ARPC5L: variants seen among roughly 807,000 people sequenced by gnomAD.
ARPC5L encodes the protein actin-related protein 2/3 complex subunit 5-like protein.
A neutral mutation model predicts 16.9 loss-of-function variants in ARPC5L; 4 were observed. That is an observed-to-expected ratio of 0.24 (90% confidence interval 0.12 to 0.54). ARPC5L has a LOEUF of 0.54. Among genes scored for constraint, ARPC5L ranks in the 20% least tolerant of loss-of-function variants. The probability of loss-of-function intolerance (pLI) is 0.95; values close to 1 mark genes in which losing one functional copy is unlikely to be tolerated. For synonymous variants in ARPC5L, 78 were observed against 82.6 expected (o/e 0.94, Z 0.30); for missense variants, 151 against 201.9 (o/e 0.75, Z 1.53).
intron 3 of ARPC5L, 63 bp downstream of exon 3, chr9:124,869,502 C>T (rs898842503): frequency 1.4e-5 from 19 of 1,399,588 alleles, no homozygotes; most frequent in Non-Finnish European, 1.8e-5. Context: ...CACCTTCCCA[C>T]CTTCTCGGGC....
intron 2 of ARPC5L, among the ~76,000 whole-genome samples, chr9:124,866,170 G>A (rs1186983882): frequency 6.6e-6 from 1 of 151,832 alleles, no homozygotes; most frequent in African/African-American, 2.4e-5. Context: ...TTAGGAAGCC[G>A]ACGCAGGTGG....
At position 124,877,036 on chromosome 9, in the gene ARPC5L, C is replaced by T; in HGVS notation, c.*96C>T. On this transcript the variant is annotated 3_prime_UTR_variant, in exon 6 of 6. Transcript: ENST00000353214. ...AATGGACCATCTTCCTAGGAACTCCCAAGTAAACTATTTCAGGACATGTAT... is the reference window on the plus strand; with the variant it reads ...AATGGACCATCTTCCTAGGAACTCCTAAGTAAACTATTTCAGGACATGTAT... The T allele has an allele frequency of 1.1e-6, 1 of 915,470 alleles. No homozygotes were observed. The highest frequency in any genetic ancestry group is 2.6e-5 in the East Asian group (1 of 38,408). The allele number at this position is 915,470 out of a possible 1,614,324, so 56.7% of individuals were successfully genotyped here.
In ARPC5L at chr9:124,877,061, T is replaced by G; in HGVS notation, c.*121T>G. 1 of 730,178 alleles carries G rather than the reference T, an allele frequency of 1.4e-6. No homozygotes were observed. The highest frequency in any genetic ancestry group is 2.2e-6 in the Non-Finnish European group (1 of 452,742). The allele number at this position is 730,178 out of a possible 1,614,324, so 45.2% of individuals were successfully genotyped here. On this transcript the variant is annotated 3_prime_UTR_variant, in exon 6 of 6. Coordinates refer to ENST00000353214, the MANE Select transcript of ARPC5L (RefSeq NM_030978.3). ...CAAGTAAACTATTTCAGGACATGTA[T>G]CTGCTGAAATGTATTTTATTTTCAA...
chr9:124,867,241 A>C (rs1163919006), intron 2 of ARPC5L, among the ~76,000 whole-genome samples: 1 of 150,736 alleles, frequency 6.6e-6, no homozygotes, highest in Admixed American at 6.6e-5. Context: ...TCCTGGGTTC[A>C]AGCGATTCTC....
intron 2 of ARPC5L, among the ~76,000 whole-genome samples, chr9:124,867,464 T>A (rs757985035): frequency 6.6e-6 from 1 of 152,100 alleles, no homozygotes; most frequent in Non-Finnish European, 1.5e-5. Context: ...GATCACTTTA[T>A]CTAAGGCACA....
rs1301025131 is a variant in ARPC5L, at chr9:124,862,221, A to G, written c.-1161A>G. The stretch of plus-strand genomic sequence containing the variant: ...CCAACGTGGGCGGCAGCTACCAGAG[A>G]TGGCACACGGAGGACTCAAATTCGT... On this transcript the variant is annotated 5_prime_UTR_variant, in exon 1 of 6. It removes an upstream start codon present in the reference 5' UTR. Coordinates refer to ENST00000353214, the MANE Select transcript of ARPC5L (RefSeq NM_030978.3). 4 of 393,958 alleles carry G rather than the reference A, an allele frequency of 1.0e-5. No homozygotes were observed. The highest frequency in any genetic ancestry group is 1.8e-5 in the Non-Finnish European group (4 of 218,954). 24.4% of individuals were successfully genotyped at this position (393,958 alleles called of 1,614,324 possible). A position where few individuals can be genotyped will look rare whatever the true frequency, so the allele number is the denominator to read the frequency against.
chr9:124,872,584 G>C (rs1829375244), intron 3 of ARPC5L: 1 of 145,714 alleles, frequency 6.9e-6, no homozygotes, highest in African/African-American at 2.5e-5. Context: ...GCGACAGAGC[G>C]AGACTCCGTC....
chr9:124,863,113 A>G (rs1218523312), intron 1 of ARPC5L, among the ~76,000 whole-genome samples: 1 of 152,034 alleles, frequency 6.6e-6, no homozygotes. Flanking sequence ...TACAGGGGTT[A>G]GCCACCTCGC....
intron 3 of ARPC5L, 57 bp downstream of exon 3, chr9:124,869,496 T>C (rs1829324267): frequency 3.6e-6 from 5 of 1,404,532 alleles, no homozygotes; most frequent in Non-Finnish European, 4.6e-6. Context: ...CCTTCCCACC[T>C]TCCCACCTTC....
chr9:124,864,152 G>A (rs1266573603), intron 2 of ARPC5L, 45 bp downstream of exon 2: 2 of 151,852 alleles, frequency 1.3e-5, no homozygotes, highest in Non-Finnish European at 2.9e-5. Context: ...GGAAAAAAGA[G>A]AGTAGAGAGA....
intron 3 of ARPC5L, chr9:124,872,850 G>T (rs1235477162): frequency 6.6e-6 from 1 of 152,256 alleles, no homozygotes; most frequent in Admixed American, 6.5e-5. Flanking sequence ...CTGCTCCGAA[G>T]GCCCTTCCTG....
Position 124,869,149 on chromosome 9 carries a change from G to GGCT in ARPC5L, c.-139_-137dup. 1 of 1,013,142 alleles carries GGCT rather than the reference G, an allele frequency of 9.9e-7. No homozygotes were observed. The allele number at this position is 1,013,142 out of a possible 1,614,324, so 62.8% of individuals were successfully genotyped here. A position where few individuals can be genotyped will look rare whatever the true frequency, so the allele number is the denominator to read the frequency against. On this transcript the variant is annotated 5_prime_UTR_variant, in exon 3 of 6. Coordinates refer to ENST00000353214, the MANE Select transcript of ARPC5L (RefSeq NM_030978.3). The stretch of plus-strand genomic sequence containing the variant: ...GTGCCGGAAGTGGGCGGGCGGCGGC[G>GGCT]GCTGCGCGCGGAGGCGGTGGAGGAG...
intron 5 of ARPC5L, among the ~76,000 whole-genome samples, chr9:124,876,176 G>A (rs1829431101): frequency 6.6e-6 from 1 of 151,932 alleles, no homozygotes; most frequent in Admixed American, 6.6e-5. Context: ...AATGTAGTGA[G>A]AACCCATCTC....
chr9:124,875,436 C>CAT (rs1212718246), intron 5 of ARPC5L, among the ~76,000 whole-genome samples: 1 of 152,170 alleles, frequency 6.6e-6, no homozygotes, highest in East Asian at 1.9e-4. Flanking sequence ...GATAACATGG[C>CAT]ATAGTAAGGT....
chr9:124,869,483 T>C (rs1829323752), intron 3 of ARPC5L, 44 bp downstream of exon 3: 2 of 1,415,580 alleles, frequency 1.4e-6, no homozygotes, highest in Non-Finnish European at 9.2e-7. Flanking sequence ...CGCGGCCTTC[T>C]CACCTTCCCA....
intron 2 of ARPC5L, among the ~76,000 whole-genome samples, chr9:124,865,231 C>A (rs774215863): frequency 6.8e-6 from 1 of 147,676 alleles, no homozygotes; most frequent in East Asian, 2.0e-4. Flanking sequence ...GCAAGAGAAT[C>A]GCTTGAACCC....
rs1829302210 is a variant in ARPC5L, at chr9:124,868,509, C to T, written c.-782C>T. 6.6e-6 allele frequency: 1 copy of T among 152,294 alleles called. No individual in the cohort carries two copies. The highest frequency in any genetic ancestry group is 1.5e-5 in the Non-Finnish European group (1 of 68,056). 9.4% of individuals were successfully genotyped at this position (152,294 alleles called of 1,614,324 possible). A position where few individuals can be genotyped will look rare whatever the true frequency, so the allele number is the denominator to read the frequency against. On this transcript the variant is annotated 5_prime_UTR_variant, in exon 3 of 6. Coordinates refer to ENST00000353214, the MANE Select transcript of ARPC5L (RefSeq NM_030978.3). ...AGGACGGTGGCCACAGGGCCATCTCCCTCTCCTGGCGCCCCCAACTGCCTG... is the reference window on the plus strand; with the variant it reads ...AGGACGGTGGCCACAGGGCCATCTCTCTCTCCTGGCGCCCCCAACTGCCTG...
intron 3 of ARPC5L, among the ~76,000 whole-genome samples, chr9:124,871,445 C>T (rs1228984834): frequency 1.3e-5 from 2 of 152,132 alleles, no homozygotes; most frequent in Non-Finnish European, 2.9e-5. Context: ...ACATGCAGCT[C>T]GGGTCTGCAG....
At chr9:124,875,934 T>C (rs938853581) in intron 5 of ARPC5L, among the ~76,000 whole-genome samples, 6 of 152,174 alleles carry the variant, frequency 3.9e-5, no homozygotes, top group Non-Finnish European at 4.4e-5. Flanking sequence ...TTAGGTCTGC[T>C]GGCGGGTGTG....
Sources: allele counts gnomAD v4.1 joint callset (sites outside exome capture counted in the v4.1 genomes callset), GRCh38; gene constraint gnomAD v4.1.1; transcripts MANE v1.5; gene names NCBI Gene and HGNC (gene_info 2026-07-23, HGNC 2026-07-21).